NNMT: variants seen among roughly 807,000 people sequenced by gnomAD.
NNMT encodes the protein nicotinamide N-methyltransferase.
In NNMT, 10 loss-of-function variants were observed where a neutral mutation model predicts 11.7. That is an observed-to-expected ratio of 0.85 (90% confidence interval 0.53 to 1.45). The LOEUF (loss-of-function observed/expected upper bound fraction) is 1.45, where lower values mean the gene tolerates loss of function less well. Ranked by LOEUF, NNMT falls within the 40% of genes most tolerant of loss-of-function variation. The pLI is 0.00. For synonymous variants in NNMT, 143 were observed against 133.8 expected (o/e 1.07, Z -0.48); for missense variants, 381 against 319.4 (o/e 1.19, Z -1.47).
At position 114,261,455 on chromosome 11, in the gene NNMT, A is replaced by G. The variant is rs1301856214; in HGVS notation, c.-216-1393A>G. On this transcript the variant is annotated intron_variant, in intron 1 of 4. Transcript: ENST00000535401. ...ATAAATTAGCCGGGTGTGGTGGTGC[A>G]TGCCTGTAATCCCAGCTACTCGGGA... Among the ~76,000 whole-genome samples, 3 of 152,158 alleles carry G rather than the reference A, an allele frequency of 2.0e-5. 1 individual carries two copies. Among genetic ancestry groups the G allele is most frequent in the South Asian group, 4.1e-4 (2 of 4,832 alleles).
intron 2 of NNMT, 159 bp downstream of exon 2, chr11:114,298,317 T>C: frequency 1.6e-6 from 1 of 616,102 alleles, no homozygotes; most frequent in Non-Finnish European, 2.9e-6. Context: ...TGTGTGTGCA[T>C]GTTAGTAAAT....
Position 114,312,505 on chromosome 11 carries a change from C to T in NNMT, c.*28C>T. On this transcript the variant is annotated 3_prime_UTR_variant, in exon 3 of 3. Transcript: ENST00000299964. ...CCTGTGACCTCAATTAAAGCAATTC[C>T]TTTGACCTGTCCAGTTGACTTTAGT... 1 of 1,595,246 alleles carries T rather than the reference C, an allele frequency of 6.3e-7. No individual in the cohort carries two copies. Among genetic ancestry groups the T allele is most frequent in the East Asian group, 2.2e-5 (1 of 44,666 alleles).
chr11:114,286,800 C>G (rs941890222), intron 2 of NNMT, among the ~76,000 whole-genome samples: 1 of 152,170 alleles, frequency 6.6e-6, no homozygotes, highest in Non-Finnish European at 1.5e-5. Flanking sequence ...ACTGTAATTA[C>G]TGGGCATAGG....
chr11:114,281,730 C>T (rs1399454217), intron 2 of NNMT, among the ~76,000 whole-genome samples: 1 of 152,136 alleles, frequency 6.6e-6, no homozygotes, highest in Non-Finnish European at 1.5e-5. Flanking sequence ...GTTGAAAGGG[C>T]TTCTTGAACA....
At chr11:114,301,168 G>T (rs1013131404) in intron 2 of NNMT, among the ~76,000 whole-genome samples, 10 of 152,088 alleles carry the variant, frequency 6.6e-5, no homozygotes, top group African/African-American at 2.4e-4. Flanking sequence ...AAATGGTGTA[G>T]CCATTTTGGA....
In NNMT at chr11:114,258,561, C is replaced by G. The variant is rs149486434; in HGVS notation, c.-217+683C>G. Among the ~76,000 whole-genome samples, 87 of 152,368 alleles carry G rather than the reference C, an allele frequency of 5.7e-4. No homozygotes were observed. The South Asian group carries it at 0.017, about 30-fold the overall frequency. On this transcript the variant is annotated intron_variant, in intron 1 of 4. Transcript: ENST00000535401. ...TTGGGGATCTGAAGATGACTGGCCT[C>G]AGTGCCCTGCTTCAGCCCAGACCCT...
intron 2 of NNMT, among the ~76,000 whole-genome samples, chr11:114,302,988 C>T (rs1945452499): frequency 6.6e-6 from 1 of 152,180 alleles, no homozygotes; most frequent in African/African-American, 2.4e-5. Context: ...CTCAGACTTC[C>T]AGCCTTTAGA....
At chr11:114,279,262 C>T (rs758329862) in intron 2 of NNMT, among the ~76,000 whole-genome samples, 2 of 152,156 alleles carry the variant, frequency 1.3e-5, no homozygotes, top group African/African-American at 2.4e-5. Context: ...AAACACACAG[C>T]GTGCTTTTAT....
At position 114,272,812 on chromosome 11, in the gene NNMT, A is replaced by T. The variant is rs76111947; in HGVS notation, c.-130+9878A>T. Among the ~76,000 whole-genome samples the T allele has an allele frequency of 5.1e-3, 782 of 152,286 alleles. 9 individuals carry two copies. The highest frequency in any genetic ancestry group is 0.018 in the African/African-American group (761 of 41,554). ...ATCAAATAACGGGTATCTTTTCATG[A>T]TTAACAGGAGAAAAAATAACATAAC... On this transcript the variant is annotated intron_variant, in intron 2 of 4. Coordinates refer to the NNMT transcript ENST00000535401.
intron 1 of NNMT, among the ~76,000 whole-genome samples, chr11:114,258,437 T>C (rs1192153870): frequency 6.6e-6 from 1 of 152,188 alleles, no homozygotes; most frequent in East Asian, 1.9e-4. Flanking sequence ...AGAAGAGGCA[T>C]AAGGGAAGCC....
In NNMT at chr11:114,312,022, G is replaced by A. The variant is rs201171305; in HGVS notation, c.363-23G>A. The A allele has an allele frequency of 5.9e-6, 9 of 1,535,686 alleles. No homozygotes were observed. In the East Asian group the frequency reaches 1.1e-4, roughly 19 times the overall value. On this transcript the variant is annotated intron_variant, in intron 2 of 2. Coordinates refer to ENST00000299964, the MANE Select transcript of NNMT (RefSeq NM_006169.3). ...CCCCATGACTGGAGTGGAAAACAAT[G>A]TCTGTGGGTTTGTGTTTTTCAGAGT...
At position 114,285,104 on chromosome 11, in the gene NNMT, A is replaced by G. The variant is rs570899455; in HGVS notation, c.-129-11324A>G. The stretch of plus-strand genomic sequence containing the variant: ...CACGCTTCTTCTTCCTTTAGCCAAG[A>G]AGCTTGCCACCTTACACCCTTCCTC... On this transcript the variant is annotated intron_variant, in intron 2 of 4. Coordinates refer to the NNMT transcript ENST00000535401. Among the ~76,000 whole-genome samples the G allele has an allele frequency of 1.1e-3, 160 of 152,124 alleles. 1 individual carries two copies. The highest frequency in any genetic ancestry group is 1.8e-3 in the Non-Finnish European group (123 of 67,996).
In NNMT at chr11:114,259,876, G is replaced by T. The variant is rs534141666; in HGVS notation, c.-217+1998G>T. Reference sequence around the variant, plus strand: ...GCCGCTCCCAACTGTACACCGGCTGGCTGCACCCGTTCCCTCATGTCTTCC... The same window carrying T: ...GCCGCTCCCAACTGTACACCGGCTGTCTGCACCCGTTCCCTCATGTCTTCC... On this transcript the variant is annotated intron_variant, in intron 1 of 4. Transcript: ENST00000535401. Among the ~76,000 whole-genome samples, 5 of 152,260 alleles carry T rather than the reference G, an allele frequency of 3.3e-5. No homozygotes were observed. The South Asian group carries it at 1.0e-3, about 32-fold the overall frequency.
At chr11:114,312,004 A>G (rs1945553122) in intron 2 of NNMT, 41 bp from the exon 3 acceptor site, 1 of 1,523,918 alleles carries the variant, frequency 6.6e-7, no homozygotes, top group Non-Finnish European at 8.8e-7. Flanking sequence ...GTTCCCCATG[A>G]CTGGAGTGGA....
At chr11:114,268,840 G>A (rs1351105887) in intron 2 of NNMT, among the ~76,000 whole-genome samples, 3 of 151,884 alleles carry the variant, frequency 2.0e-5, no homozygotes, top group Non-Finnish European at 2.9e-5. Context: ...AGAATTTGTG[G>A]GCATGCTACC....
At chr11:114,295,420 T>TA (rs71063559), upstream of NNMT, among the ~76,000 whole-genome samples, 5 of 31,590 alleles carry the variant, frequency 1.6e-4, no homozygotes, top group Non-Finnish European at 2.8e-4. Context: ...TAAAGAATTC[T>TA]TTTTTTTTTT....
chr11:114,309,651 C>G (rs1300816225), intron 2 of NNMT, among the ~76,000 whole-genome samples: 2 of 152,188 alleles, frequency 1.3e-5, no homozygotes, highest in Admixed American at 6.5e-5. Context: ...AATTAATGCA[C>G]CCATTTAAAT....
In NNMT at chr11:114,266,941, A is replaced by G. The variant is rs539157299; in HGVS notation, c.-130+4007A>G. Among the ~76,000 whole-genome samples, 35 of 152,352 alleles carry G rather than the reference A, an allele frequency of 2.3e-4. No individual in the cohort carries two copies. The Middle Eastern group carries it at 0.014, about 59-fold the overall frequency. On this transcript the variant is annotated intron_variant, in intron 2 of 4. Transcript: ENST00000535401. ...AAAAATGATATTTAGTTATAACAAGAGAAAATAGACTGAGAAACCATCCCA... is the reference window on the plus strand; with the variant it reads ...AAAAATGATATTTAGTTATAACAAGGGAAAATAGACTGAGAAACCATCCCA...
chr11:114,263,121 A>G (rs1945096416), intron 2 of NNMT, among the ~76,000 whole-genome samples: 1 of 152,066 alleles, frequency 6.6e-6, no homozygotes, highest in Non-Finnish European at 1.5e-5. Context: ...CTTTTCCTGA[A>G]TTCTCCACAG....
Sources: gnomAD v4.1 joint callset for allele counts (sites outside exome capture counted in the v4.1 genomes callset) on GRCh38, gnomAD v4.1.1 for gene constraint, MANE v1.5 for transcripts, NCBI Gene and HGNC (gene_info 2026-07-23, HGNC 2026-07-21) for gene names.